The following SEL1L variants were observed in gnomAD, a reference collection of about 807,000 sequenced individuals.
SEL1L encodes protein sel-1 homolog 1.
SEL1L carries 52 observed loss-of-function variants against 109.8 expected under a neutral mutation model. That is an observed-to-expected ratio of 0.47 (90% CI 0.38 to 0.60). SEL1L has a LOEUF of 0.60. SEL1L is among the 20% of genes least tolerant of loss of function. SEL1L has a pLI of 0.00. For missense variants in SEL1L, 749 were observed against 962.2 expected (o/e 0.78, Z 2.93); for synonymous variants, 373 against 339.6 (o/e 1.10, Z -1.08).
chr14:81,513,461 C>T (rs546959543), intron 3 of SEL1L, among the ~76,000 whole-genome samples: 12 of 152,274 alleles, frequency 7.9e-5, no homozygotes, highest in Middle Eastern at 6.8e-3. Flanking sequence ...CAACTCCAGA[C>T]GCGCCACCTT....
chr14:81,511,325 A>G (rs1376979355), intron 3 of SEL1L, among the ~76,000 whole-genome samples: 1 of 152,246 alleles, frequency 6.6e-6, no homozygotes, highest in Non-Finnish European at 1.5e-5. Flanking sequence ...AAAGCAGCAC[A>G]ATCACTGGCC....
At chr14:81,520,165 A>C (rs1884853575) in intron 3 of SEL1L, among the ~76,000 whole-genome samples, 1 of 152,226 alleles carries the variant, frequency 6.6e-6, no homozygotes. Context: ...ATATATATGC[A>C]ATTTATGTCA....
intron 3 of SEL1L, among the ~76,000 whole-genome samples, chr14:81,526,282 G>A (rs1595537502): frequency 6.6e-6 from 1 of 152,202 alleles, no homozygotes; most frequent in East Asian, 1.9e-4. Flanking sequence ...AGCGTCAGCT[G>A]AGGGATAAAC....
intron 12 of SEL1L, among the ~76,000 whole-genome samples, chr14:81,492,119 G>A (rs1028447414): frequency 5.9e-5 from 9 of 151,526 alleles, no homozygotes; most frequent in South Asian, 4.2e-4. Flanking sequence ...AGCCTCCCAC[G>A]TAGCTGGGAC....
intron 10 of SEL1L, among the ~76,000 whole-genome samples, chr14:81,495,912 G>A (rs1264576320): frequency 6.6e-6 from 1 of 152,084 alleles, no homozygotes; most frequent in Non-Finnish European, 1.5e-5. Context: ...CTCCATCCTG[G>A]GTGACAGAGC....
intron 17 of SEL1L, among the ~76,000 whole-genome samples, chr14:81,485,994 A>T (rs1903509453): frequency 6.6e-6 from 1 of 152,170 alleles, no homozygotes; most frequent in African/African-American, 2.4e-5. Context: ...CTACTGAGTC[A>T]CTCTTCTACA....
intron 1 of SEL1L, among the ~76,000 whole-genome samples, chr14:81,529,880 T>G (rs1885259452): frequency 6.6e-6 from 1 of 152,208 alleles, no homozygotes; most frequent in African/African-American, 2.4e-5. Flanking sequence ...TTAAAGAGAC[T>G]GAAGTTATGC....
intron 12 of SEL1L, among the ~76,000 whole-genome samples, chr14:81,492,132 C>T (rs1401525613): frequency 6.6e-6 from 1 of 151,950 alleles, no homozygotes; most frequent in African/African-American, 2.4e-5. Context: ...GCTGGGACTA[C>T]AGGCGCCCAC....
chr14:81,514,141 A>T (rs1884601724), intron 3 of SEL1L, among the ~76,000 whole-genome samples: 1 of 152,250 alleles, frequency 6.6e-6, no homozygotes, highest in Non-Finnish European at 1.5e-5. Flanking sequence ...ACCTGGGCTC[A>T]CTAACCAGAA....
chr14:81,485,239 T>C (rs1027577740), intron 18 of SEL1L, among the ~76,000 whole-genome samples: 3 of 152,140 alleles, frequency 2.0e-5, no homozygotes, highest in Non-Finnish European at 4.4e-5. Context: ...ATACCAATAA[T>C]ATGCAAACAA....
intron 3 of SEL1L, among the ~76,000 whole-genome samples, chr14:81,511,117 A>T (rs1010927321): frequency 6.6e-6 from 1 of 152,248 alleles, no homozygotes; most frequent in African/African-American, 2.4e-5. Flanking sequence ...CCAAAAGTTG[A>T]AAACTGCTAA....
In SEL1L at chr14:81,479,596, G is replaced by A; in HGVS notation, c.2175+16C>T. On this transcript the variant is annotated intron_variant, in intron 20 of 20. Coordinates refer to ENST00000336735, the MANE Select transcript of SEL1L (RefSeq NM_005065.6). ...CATCATTTATATTTTAATGAAAAGAGGTACGGACCACTTACGTTTGTTTCC... is the reference window on the plus strand; with the variant it reads ...CATCATTTATATTTTAATGAAAAGAAGTACGGACCACTTACGTTTGTTTCC... 6.3e-7 allele frequency: 1 copy of A among 1,594,696 alleles called. No homozygotes were observed. The highest frequency in any genetic ancestry group is 8.5e-7 in the Non-Finnish European group (1 of 1,172,774).
At chr14:81,525,472 A>G (rs971273451) in intron 3 of SEL1L, among the ~76,000 whole-genome samples, 1 of 150,160 alleles carries the variant, frequency 6.7e-6, no homozygotes, top group African/African-American at 2.4e-5. Context: ...GAATTAAATT[A>G]TATTTAGTAA....
intron 3 of SEL1L, among the ~76,000 whole-genome samples, chr14:81,520,160 T>C (rs967063051): frequency 2.0e-5 from 3 of 152,212 alleles, no homozygotes; most frequent in African/African-American, 7.2e-5. Flanking sequence ...GAGCCATATA[T>C]ATGCAATTTA....
intron 13 of SEL1L, 66 bp downstream of exon 13, chr14:81,490,322 A>G (rs1883489353): frequency 8.1e-7 from 1 of 1,228,252 alleles, no homozygotes; most frequent in Non-Finnish European, 1.2e-6. Context: ...CTTTAATATA[A>G]CAAATTCATT....
chr14:81,504,356 T>A, intron 4 of SEL1L, 50 bp from the exon 5 acceptor site: 1 of 1,293,720 alleles, frequency 7.7e-7, no homozygotes, highest in Non-Finnish European at 1.1e-6. Flanking sequence ...TTCTATCAAT[T>A]ATCAACCATT....
chr14:81,513,608 C>T (rs2140038464), intron 3 of SEL1L, among the ~76,000 whole-genome samples: 1 of 152,298 alleles, frequency 6.6e-6, no homozygotes, highest in Middle Eastern at 3.4e-3. Flanking sequence ...TGAGTACCAT[C>T]AGACCCCTTT....
At chr14:81,499,903 C>CTTT (rs67769195) in intron 6 of SEL1L, among the ~76,000 whole-genome samples, 31 of 119,176 alleles carry the variant, frequency 2.6e-4, no homozygotes, top group African/African-American at 3.0e-4. Flanking sequence ...TTATTTGTGG[C>CTTT]TTTTTTTTTT....
At chr14:81,479,815 A>G (rs993327453) in intron 19 of SEL1L, 75 bp from the exon 20 acceptor site, 48 of 1,294,366 alleles carry the variant, frequency 3.7e-5, no homozygotes, top group Non-Finnish European at 5.0e-5. Flanking sequence ...ATATTAGACG[A>G]ATTTATTTTA....
Sources: allele counts gnomAD v4.1 joint callset (sites outside exome capture counted in the v4.1 genomes callset), GRCh38; gene constraint gnomAD v4.1.1; transcripts MANE v1.5; gene names NCBI Gene and HGNC (gene_info 2026-07-23, HGNC 2026-07-21).